The following USP34 variants were observed in gnomAD, a reference collection of about 807,000 sequenced individuals.
The protein encoded by USP34 is ubiquitin carboxyl-terminal hydrolase 34.
USP34 carries 70 observed loss-of-function variants against 460.3 expected under a neutral mutation model. The ratio of observed to expected loss-of-function variants is 0.15; its 90% CI spans 0.13 to 0.19. The LOEUF (loss-of-function observed/expected upper bound fraction) is 0.19, where lower values mean the gene tolerates loss of function less well. Ranked by LOEUF, USP34 falls within the 10% of genes least tolerant of loss-of-function variation. The pLI, the probability that USP34 is intolerant of heterozygous loss-of-function variation, is 1.00. For missense variants in USP34, 3,985 were observed against 4,236.2 expected (o/e 0.94, Z 1.65); for synonymous variants, 1,647 against 1,405.3 (o/e 1.17, Z -3.85).
intron 1 of USP34, among the ~76,000 whole-genome samples, chr2:61,437,246 G>C (rs1348181365): frequency 2.0e-5 from 3 of 151,920 alleles, no homozygotes; most frequent in Non-Finnish European, 2.9e-5. Context: ...GAAAAAAGCT[G>C]GTCATTTGAA....
intron 41 of USP34, among the ~76,000 whole-genome samples, chr2:61,272,723 G>A (rs1160933104): frequency 2.0e-5 from 3 of 152,164 alleles, no homozygotes; most frequent in South Asian, 4.1e-4. Flanking sequence ...ACACTGAAAC[G>A]AAGGGGAAAT....
chr2:61,324,407 G>A (rs893891475), intron 21 of USP34, among the ~76,000 whole-genome samples: 2 of 152,110 alleles, frequency 1.3e-5, no homozygotes, highest in Non-Finnish European at 2.9e-5. Flanking sequence ...CAAAAGATTA[G>A]CCCTGATAAT....
At position 61,265,409 on chromosome 2, in the gene USP34, G is replaced by A. The variant is rs757382315; in HGVS notation, c.5766C>T (p.Val1922=). 1 of 1,609,790 alleles carries A rather than the reference G, an allele frequency of 6.2e-7. No homozygotes were observed. Among genetic ancestry groups the A allele is most frequent in the Non-Finnish European group, 8.5e-7 (1 of 1,178,926 alleles). The change falls in exon 43 of 80, where the codon GTC becomes GTT. Residue 1922 remains valine (V), a synonymous_variant. Transcript: ENST00000398571. The stretch of plus-strand genomic sequence containing the variant: ...AGGAAAATTCTACCTTGGCAGTGAA[G>A]ACAGCCTGTCTTGCCTCAGGTATCA... ...LYMIPEARQA[V]FTAKYSEDMK... is the part of the protein sequence containing the mutation.
chr2:61,407,411 G>GC (rs1693907888), intron 2 of USP34, among the ~76,000 whole-genome samples: 1 of 152,118 alleles, frequency 6.6e-6, no homozygotes, highest in African/African-American at 2.4e-5. Context: ...TAATACATAC[G>GC]CAAGTACCTG....
intron 51 of USP34, 42 bp from the exon 52 acceptor site, chr2:61,241,861 G>T: frequency 1.9e-6 from 2 of 1,043,476 alleles, no homozygotes; most frequent in South Asian, 1.6e-5. Flanking sequence ...GAAAAAATGG[G>T]TATACTCAGC....
At chr2:61,189,376 G>T in intron 78 of USP34, 1 of 194,784 alleles carries the variant, frequency 5.1e-6, no homozygotes, top group Non-Finnish European at 1.0e-5. Context: ...GGGTTCAAGC[G>T]ATTCCCCTCC....
At chr2:61,377,371 T>A (rs953599895) in intron 8 of USP34, among the ~76,000 whole-genome samples, 4 of 152,150 alleles carry the variant, frequency 2.6e-5, no homozygotes, top group African/African-American at 9.7e-5. Flanking sequence ...TTGAGATTTT[T>A]AAAACTGATT....
chr2:61,417,803 G>A (rs1350563551), intron 2 of USP34, among the ~76,000 whole-genome samples: 1 of 129,474 alleles, frequency 7.7e-6, no homozygotes, highest in Non-Finnish European at 1.5e-5. Flanking sequence ...GTACAGTGGC[G>A]TGATCTCAGC....
At chr2:61,450,810 G>C (rs761667320) in intron 1 of USP34, among the ~76,000 whole-genome samples, 1 of 148,988 alleles carries the variant, frequency 6.7e-6, no homozygotes. Context: ...GAAAGACACC[G>C]TAAGATGTCA....
intron 70 of USP34, 193 bp downstream of exon 70, chr2:61,208,705 GA>G: frequency 5.8e-6 from 2 of 343,800 alleles, no homozygotes; most frequent in East Asian, 4.4e-5. Flanking sequence ...AATTACTATG[GA>G]AAAAGGAACA....
chr2:61,378,832 G>C (rs754884135), intron 7 of USP34, among the ~76,000 whole-genome samples: 2 of 148,294 alleles, frequency 1.3e-5, no homozygotes, highest in African/African-American at 2.5e-5. Flanking sequence ...TTGAACCCAG[G>C]AGGCAGAGGT....
intron 20 of USP34, among the ~76,000 whole-genome samples, chr2:61,330,211 T>A (rs1572940500): frequency 6.6e-6 from 1 of 152,240 alleles, no homozygotes; most frequent in Non-Finnish European, 1.5e-5. Context: ...AGCTTCAGTA[T>A]ACTCATTTCT....
At chr2:61,199,418 G>C (rs1284742497) in intron 75 of USP34, among the ~76,000 whole-genome samples, 2 of 152,108 alleles carry the variant, frequency 1.3e-5, no homozygotes, top group Non-Finnish European at 2.9e-5. Flanking sequence ...ACCACGCCCA[G>C]CTAATTTTTG....
chr2:61,356,258 C>T (rs1189894858), intron 10 of USP34, among the ~76,000 whole-genome samples: 6 of 151,676 alleles, frequency 4.0e-5, no homozygotes, highest in African/African-American at 1.2e-4. Flanking sequence ...GAGGCCAAGG[C>T]GGGTGGATCA....
intron 1 of USP34, among the ~76,000 whole-genome samples, chr2:61,435,886 G>T (rs960808768): frequency 3.9e-5 from 6 of 151,958 alleles, no homozygotes; most frequent in African/African-American, 1.2e-4. Flanking sequence ...AAATGAGCCG[G>T]GCATGGTGGA....
Position 61,220,290 on chromosome 2 carries a change from A to C in USP34, c.8047+20T>G. On this transcript the variant is annotated intron_variant, in intron 67 of 79. Transcript: ENST00000398571. ...GAACAATAAATAAATGGTTTATGAA[A>C]TTCTAAATATTTGACTTACAAGTCC... 6.3e-7 allele frequency: 1 copy of C among 1,591,458 alleles called. No individual in the cohort carries two copies. Among genetic ancestry groups the C allele is most frequent in the East Asian group, 2.3e-5 (1 of 44,294 alleles).
At chr2:61,235,785 GA>G (rs985255325) in intron 57 of USP34, 59 bp downstream of exon 57, 3 of 1,539,952 alleles carry the variant, frequency 1.9e-6, no homozygotes, top group African/African-American at 2.8e-5. Context: ...TCTTAGATCA[GA>G]GGGGGGGAAA....
intron 39 of USP34, among the ~76,000 whole-genome samples, chr2:61,279,313 A>G (rs1689465123): frequency 6.6e-6 from 1 of 152,224 alleles, no homozygotes; most frequent in African/African-American, 2.4e-5. Context: ...AATACATTTA[A>G]AAGTTTAAGA....
intron 27 of USP34, among the ~76,000 whole-genome samples, chr2:61,308,169 G>C (rs960659717): frequency 6.6e-6 from 1 of 152,092 alleles, no homozygotes; most frequent in Non-Finnish European, 1.5e-5. Flanking sequence ...TGCTAAAAGA[G>C]AAAATGAAGA....
Sources: allele counts gnomAD v4.1 joint callset (sites outside exome capture counted in the v4.1 genomes callset), GRCh38; gene constraint gnomAD v4.1.1; transcripts MANE v1.5; gene names NCBI Gene and HGNC (gene_info 2026-07-23, HGNC 2026-07-21).